Variants in DNAH11 observed in about 807,000 individuals in gnomAD.
DNAH11 encodes dynein axonemal heavy chain 11.
In DNAH11, 442 loss-of-function variants were observed where a neutral mutation model predicts 526.0. The ratio of observed to expected loss-of-function variants is 0.84; its 90% CI spans 0.78 to 0.91. DNAH11 has a LOEUF of 0.91. Ranked by LOEUF, DNAH11 falls within the 40% of genes least tolerant of loss-of-function variation. The pLI is 0.00. For synonymous variants in DNAH11, 2,461 were observed against 1,935.9 expected, an observed-to-expected ratio of 1.27 and a Z score of -7.12; for missense variants, 6,989 against 5,448.7, an observed-to-expected ratio of 1.28 and a Z score of -8.90.
chr7:21,856,799 A>G (rs957770414), intron 68 of DNAH11, among the ~76,000 whole-genome samples: 3 of 151,874 alleles, frequency 2.0e-5, no homozygotes, highest in Admixed American at 6.6e-5. Context: ...AAAAAAACCA[A>G]CCAACTCTCA....
intron 24 of DNAH11, 120 bp downstream of exon 24, chr7:21,619,342 T>G: frequency 8.6e-7 from 1 of 1,157,604 alleles, no homozygotes; most frequent in Non-Finnish European, 1.2e-6. Flanking sequence ...TCCCAGTTTG[T>G]TCCCTGCTGT....
At chr7:21,697,770 A>G (rs1362711549) in intron 35 of DNAH11, among the ~76,000 whole-genome samples, 3 of 152,200 alleles carry the variant, frequency 2.0e-5, no homozygotes, top group African/African-American at 7.2e-5. Flanking sequence ...TGCTCAAAAC[A>G]TCATTATTCC....
chr7:21,820,745 G>T (rs1421380587), intron 65 of DNAH11, among the ~76,000 whole-genome samples: 1 of 152,122 alleles, frequency 6.6e-6, no homozygotes, highest in African/African-American at 2.4e-5. Context: ...CAAGGGGCCT[G>T]TTTTTATCAG....
In DNAH11 at chr7:21,803,046, A is replaced by G. The variant is rs545737511; in HGVS notation, c.10165+1771A>G. Among the ~76,000 whole-genome samples the G allele has an allele frequency of 7.9e-5, 12 of 152,036 alleles. No individual in the cohort carries two copies. The East Asian group carries it at 2.3e-3, about 29-fold the overall frequency. ...ATCTCAATAAAGCAGTTACTTTTTA[A>G]AGTATAAAGTCTGTAACTACACTAT... On this transcript the variant is annotated intron_variant, in intron 62 of 81. Transcript: ENST00000409508.
At chr7:21,830,629 C>A (rs1252774183) in intron 65 of DNAH11, among the ~76,000 whole-genome samples, 1 of 152,100 alleles carries the variant, frequency 6.6e-6, no homozygotes, top group Non-Finnish European at 1.5e-5. Context: ...CTAGTCCCAG[C>A]TCTGCCTCTA....
chr7:21,754,425 T>G, intron 54 of DNAH11, among the ~76,000 whole-genome samples: 1 of 152,174 alleles, frequency 6.6e-6, no homozygotes, highest in East Asian at 1.9e-4. Flanking sequence ...TTCCTTTGGG[T>G]CTGTGTGTAG....
At chr7:21,793,690 T>C (rs1788574959) in intron 61 of DNAH11, among the ~76,000 whole-genome samples, 1 of 152,166 alleles carries the variant, frequency 6.6e-6, no homozygotes, top group Admixed American at 6.5e-5. Flanking sequence ...TAGACCTATG[T>C]AGTCTAGTGT....
Position 21,558,906 on chromosome 7 carries a change from T to C in DNAH11, c.600T>C (p.Tyr200=), listed in dbSNP as rs1489686376. Residue 200 remains tyrosine (Y), a synonymous_variant, in exon 3 of 82, where the codon TAT becomes TAC. Transcript: ENST00000409508. ...YHIEVMKKKM[Y]IFRGKMSRRT... is the part of the protein sequence containing the mutation. The stretch of plus-strand genomic sequence containing the variant: ...TAGAAGTCATGAAAAAGAAGATGTA[T>C]ATTTTTAGGGGCAAAATGTCTAGAA... The C allele has an allele frequency of 1.9e-6, 3 of 1,603,582 alleles. No homozygotes were observed. The highest frequency in any genetic ancestry group is 3.4e-5 in the Admixed American group (2 of 58,634).
intron 9 of DNAH11, among the ~76,000 whole-genome samples, chr7:21,583,246 C>T (rs1176447665): frequency 1.3e-5 from 2 of 152,036 alleles, no homozygotes; most frequent in African/African-American, 4.8e-5. Context: ...GATTGTAGAC[C>T]AATGGAACAG....
In DNAH11 at chr7:21,899,680, C is replaced by T. The variant is rs574912029; in HGVS notation, c.13162+232C>T. Among the ~76,000 whole-genome samples the T allele has an allele frequency of 7.2e-5, 11 of 152,268 alleles. 1 individual carries two copies. The South Asian group carries it at 1.0e-3, about 14-fold the overall frequency. ...AAGAGTAGCCAAGTGAGGTGGGGCA[C>T]GGTGTGCTCTTATTAAACATTTTCT... On this transcript the variant is annotated intron_variant, in intron 80 of 81. Transcript: ENST00000409508.
At chr7:21,715,676 G>A (rs1002142983) in intron 42 of DNAH11, among the ~76,000 whole-genome samples, 7 of 152,072 alleles carry the variant, frequency 4.6e-5, no homozygotes, top group Non-Finnish European at 2.9e-5. Flanking sequence ...TTCAGTGTTT[G>A]CTGAAGGTAA....
rs764199569 is a variant in DNAH11 at position 21,781,574 on chromosome 7, C to T, written c.9483+2470C>T. On this transcript the variant is annotated intron_variant, in intron 57 of 81. Coordinates refer to ENST00000409508, the MANE Select transcript of DNAH11 (RefSeq NM_001277115.2). ...AGTAGAGGCGCCTTCTAAATTGAAG[C>T]GCTAATATCATCTCTTCAAAAGTTG... 5.3e-5 allele frequency among the ~76,000 whole-genome samples: 8 copies of T among 152,266 alleles called. No individual in the cohort carries two copies. In the East Asian group the frequency reaches 9.6e-4, roughly 18 times the overall value.
intron 34 of DNAH11, among the ~76,000 whole-genome samples, chr7:21,690,165 T>C (rs1225293685): frequency 2.0e-5 from 3 of 152,228 alleles, no homozygotes; most frequent in Non-Finnish European, 4.4e-5. Context: ...ATATGATTAT[T>C]ATTTTTACTA....
At chr7:21,699,041 G>T (rs1186721445) in intron 36 of DNAH11, among the ~76,000 whole-genome samples, 1 of 151,706 alleles carries the variant, frequency 6.6e-6, no homozygotes, top group Non-Finnish European at 1.5e-5. Flanking sequence ...GATTTTCTTT[G>T]TCAATTTTGT....
At chr7:21,760,962 A>G (rs1321454214) in intron 54 of DNAH11, among the ~76,000 whole-genome samples, 1 of 152,252 alleles carries the variant, frequency 6.6e-6, no homozygotes, top group Non-Finnish European at 1.5e-5. Flanking sequence ...TTTATTTCTT[A>G]TAAGCCCTTT....
chr7:21,726,176 G>A (rs928079729), intron 45 of DNAH11, among the ~76,000 whole-genome samples, 192 bp downstream of exon 45: 2 of 152,178 alleles, frequency 1.3e-5, no homozygotes, highest in African/African-American at 4.8e-5. Flanking sequence ...AGGGGAAGCG[G>A]ACACTTCACT....
chr7:21,806,120 C>A (rs80126882), intron 62 of DNAH11, among the ~76,000 whole-genome samples: 4,617 of 152,264 alleles, frequency 0.03, 112 homozygotes, highest in Non-Finnish European at 0.048. Flanking sequence ...AGGACATGTT[C>A]CAACTCTTAA....
chr7:21,801,097 A>G (rs1486330486), intron 61 of DNAH11, 40 bp from the exon 62 acceptor site: 3 of 1,567,880 alleles, frequency 1.9e-6, no homozygotes, highest in African/African-American at 1.4e-5. Flanking sequence ...TCTCTGTTTT[A>G]ACTAAAAATG....
rs555896848 is a variant in DNAH11, at chr7:21,777,078, G to A, written c.9337-1880G>A. ...GTTGCCATTTTATAACCACACCTAC[G>A]TTACCCCCCACTTCTTCCCCACCTC... On this transcript the variant is annotated intron_variant, in intron 56 of 81. Coordinates refer to ENST00000409508, the MANE Select transcript of DNAH11 (RefSeq NM_001277115.2). Among the ~76,000 whole-genome samples the A allele has an allele frequency of 4.5e-4, 68 of 151,988 alleles. No homozygotes were observed. The South Asian group carries it at 0.013, about 30-fold the overall frequency.
Sources: allele counts gnomAD v4.1 joint callset (sites outside exome capture counted in the v4.1 genomes callset), GRCh38; gene constraint gnomAD v4.1.1; transcripts MANE v1.5; gene names NCBI Gene and HGNC (gene_info 2026-07-23, HGNC 2026-07-21).